Variants in RBFOX1 observed in about 807,000 individuals in gnomAD.
RBFOX1 encodes RNA binding fox-1 homolog 1.
In RBFOX1, 8 loss-of-function variants were observed where a neutral mutation model predicts 57.7. The observed-to-expected ratio is 0.14, with a 90% confidence interval of 0.08 to 0.25. The LOEUF (loss-of-function observed/expected upper bound fraction) is 0.25, where lower values mean the gene tolerates loss of function less well. Among genes scored for constraint, RBFOX1 ranks in the 10% least tolerant of loss-of-function variants. The pLI is 1.00. For missense variants in RBFOX1, 611 were observed against 548.5 expected, an observed-to-expected ratio of 1.11 and a Z score of -1.14; for synonymous variants, 326 against 222.4, an observed-to-expected ratio of 1.47 and a Z score of -4.15.
At chr16:7,637,356 C>T (rs2061942474) in intron 11 of RBFOX1, among the ~76,000 whole-genome samples, 1 of 151,908 alleles carries the variant, frequency 6.6e-6, no homozygotes, top group South Asian at 2.1e-4. Context: ...ATCAATTCCT[C>T]ATTTATTGAC....
intron 1 of RBFOX1, among the ~76,000 whole-genome samples, chr16:6,198,095 A>G (rs77971873): frequency 0.012 from 1,866 of 152,176 alleles, 46 homozygotes; most frequent in African/African-American, 0.043. Context: ...CTACATATTC[A>G]CCTGGTCCTG....
intron 2 of RBFOX1, among the ~76,000 whole-genome samples, chr16:5,584,189 T>C (rs1567259340): frequency 6.6e-6 from 1 of 152,206 alleles, no homozygotes; most frequent in Non-Finnish European, 1.5e-5. Context: ...CTTGTGATTA[T>C]GTTCAGGAAG....
chr16:5,581,503 A>T (rs908204941), intron 2 of RBFOX1, among the ~76,000 whole-genome samples: 3 of 152,250 alleles, frequency 2.0e-5, no homozygotes, highest in African/African-American at 7.2e-5. Flanking sequence ...TTATGTATAC[A>T]CAAGTAACTA....
At chr16:6,775,329 C>CAAAAAAAAA (rs371277644) in intron 3 of RBFOX1, among the ~76,000 whole-genome samples, 1 of 67,334 alleles carries the variant, frequency 1.5e-5, no homozygotes, top group Non-Finnish European at 3.0e-5. Context: ...GACTCTGTCT[C>CAAAAAAAAA]AAAAAAAAAA....
intron 3 of RBFOX1, among the ~76,000 whole-genome samples, chr16:6,800,621 A>T (rs745573703): frequency 6.6e-6 from 1 of 151,998 alleles, no homozygotes. Context: ...GGATACCAAC[A>T]TTTTTTAATT....
intron 2 of RBFOX1, among the ~76,000 whole-genome samples, chr16:5,552,326 C>T (rs1340939438): frequency 6.6e-6 from 1 of 152,200 alleles, no homozygotes; most frequent in African/African-American, 2.4e-5. Context: ...CAGAGTGTTT[C>T]TGCCTTATTT....
intron 4 of RBFOX1, among the ~76,000 whole-genome samples, chr16:7,401,440 G>T (rs2098241480): frequency 1.3e-5 from 2 of 152,216 alleles, no homozygotes; most frequent in South Asian, 2.1e-4. Context: ...CCATAGATGG[G>T]ATGGCTGTAT....
chr16:6,549,128 GGAAGGA>G, intron 2 of RBFOX1, among the ~76,000 whole-genome samples: 1 of 68,250 alleles, frequency 1.5e-5, no homozygotes, highest in Middle Eastern at 4.8e-3. Flanking sequence ...GAAGAGGGGA[GGAAGGA>G]GGAGGAGGAG....
intron 4 of RBFOX1, among the ~76,000 whole-genome samples, chr16:7,502,578 T>TTTTG (rs535621017): frequency 4.6e-5 from 7 of 152,124 alleles, no homozygotes; most frequent in African/African-American, 1.4e-4. Context: ...GCATAAACTT[T>TTTTG]TTTGTTTGTT....
At chr16:5,525,491 A>ATTTTTT (rs71404528) in intron 2 of RBFOX1, among the ~76,000 whole-genome samples, 963 of 78,242 alleles carry the variant, frequency 0.012, 78 homozygotes, top group African/African-American at 0.025. Flanking sequence ...AGCCGACACT[A>ATTTTTT]TTTTTTTTTT....
intron 1 of RBFOX1, among the ~76,000 whole-genome samples, chr16:5,380,509 G>C (rs1212718434): frequency 6.6e-6 from 1 of 152,198 alleles, no homozygotes; most frequent in Non-Finnish European, 1.5e-5. Flanking sequence ...TAAATGCATA[G>C]CAGAGGGTCT....
At chr16:5,588,921 A>G (rs1008890549) in intron 2 of RBFOX1, among the ~76,000 whole-genome samples, 8 of 152,118 alleles carry the variant, frequency 5.3e-5, no homozygotes, top group African/African-American at 1.9e-4. Context: ...ACAGGTGAGA[A>G]TACAGGGCTG....
rs578103420 is a variant in RBFOX1 at position 5,291,562 on chromosome 16, C to T, written c.219+51457C>T. 5.3e-5 allele frequency among the ~76,000 whole-genome samples: 8 copies of T among 152,276 alleles called. No individual in the cohort carries two copies. In the South Asian group the frequency reaches 1.2e-3, roughly 24 times the overall value. ...TACAGGCATGTGTCACGCGCCTGGC[C>T]GAGCTTTTATCATTGTTAACCCACA... On this transcript the variant is annotated intron_variant, in intron 1 of 2. Coordinates refer to the RBFOX1 transcript ENST00000585867.
chr16:5,393,744 A>C (rs909215868), intron 1 of RBFOX1, among the ~76,000 whole-genome samples: 2 of 152,180 alleles, frequency 1.3e-5, no homozygotes, highest in African/African-American at 2.4e-5. Context: ...TACCATGTCT[A>C]AACCATGTGT....
intron 3 of RBFOX1, among the ~76,000 whole-genome samples, chr16:6,895,056 A>T (rs1162467279): frequency 6.6e-6 from 1 of 152,214 alleles, no homozygotes; most frequent in African/African-American, 2.4e-5. Context: ...CTGGCTGTAG[A>T]TAAATACATC....
chr16:6,186,059 G>A (rs182552229), intron 1 of RBFOX1, among the ~76,000 whole-genome samples: 90 of 152,220 alleles, frequency 5.9e-4, no homozygotes, highest in Non-Finnish European at 9.6e-4. Context: ...GGAAGTAGGA[G>A]GATTGTCCAG....
At chr16:5,372,712 A>C (rs1051164667) in intron 1 of RBFOX1, among the ~76,000 whole-genome samples, 5 of 152,294 alleles carry the variant, frequency 3.3e-5, no homozygotes, top group Admixed American at 1.3e-4. Context: ...CTGTATATCT[A>C]TGTGGTTGGT....
intron 3 of RBFOX1, among the ~76,000 whole-genome samples, chr16:5,652,971 A>C (rs1463049284): frequency 6.6e-6 from 1 of 152,120 alleles, no homozygotes; most frequent in Non-Finnish European, 1.5e-5. Context: ...CCCTGTGCAC[A>C]CTCAACCTGC....
chr16:6,936,004 C>T (rs2077307005), intron 3 of RBFOX1, among the ~76,000 whole-genome samples: 1 of 152,156 alleles, frequency 6.6e-6, no homozygotes, highest in Admixed American at 6.5e-5. Flanking sequence ...GGCTAATGAG[C>T]TAAGTTTGGA....
Sources: gnomAD v4.1 joint callset for allele counts (sites outside exome capture counted in the v4.1 genomes callset) on GRCh38, gnomAD v4.1.1 for gene constraint, MANE v1.5 for transcripts, NCBI Gene and HGNC (gene_info 2026-07-23, HGNC 2026-07-21) for gene names.